Variants in KLF12 observed in about 807,000 individuals in gnomAD.
The protein encoded by KLF12 is KLF transcription factor 12.
In KLF12, 9 loss-of-function variants were observed where a neutral mutation model predicts 37.8. That is an observed-to-expected ratio of 0.24 (90% CI 0.14 to 0.42). The LOEUF (loss-of-function observed/expected upper bound fraction) is 0.42, where lower values mean the gene tolerates loss of function less well. KLF12 is among the 10% of genes least tolerant of loss of function. The pLI is 1.00. For synonymous variants in KLF12, 208 were observed against 202.1 expected, an observed-to-expected ratio of 1.03 and a Z score of -0.25; for missense variants, 411 against 516.0, an observed-to-expected ratio of 0.80 and a Z score of 1.97.
At chr13:73,749,153 A>G (rs973386745) in intron 6 of KLF12, among the ~76,000 whole-genome samples, 8 of 152,206 alleles carry the variant, frequency 5.3e-5, no homozygotes, top group African/African-American at 1.9e-4. Context: ...CAGCCCTCAG[A>G]AAGATAAATG....
At chr13:74,072,828 C>A (rs190332526) in intron 1 of KLF12, among the ~76,000 whole-genome samples, 2 of 152,310 alleles carry the variant, frequency 1.3e-5, no homozygotes, top group East Asian at 3.9e-4. Context: ...TTGTCACACT[C>A]CTCAGACACT....
intron 3 of KLF12, among the ~76,000 whole-genome samples, chr13:73,848,853 C>G (rs1338792247): frequency 1.3e-5 from 2 of 152,096 alleles, no homozygotes; most frequent in African/African-American, 4.8e-5. Context: ...ATCACAGAGA[C>G]AGACGCTGGT....
At chr13:74,262,421 T>C in the KLF12 span, among the ~76,000 whole-genome samples, 38,540 of 152,134 alleles carry the variant, frequency 0.25, 7,227 homozygotes, top group African/African-American at 0.53. Context: ...CCTCAGTATC[T>C]ATGAGCAATT....
At chr13:74,260,748 T>C in the KLF12 span, among the ~76,000 whole-genome samples, 1 of 151,876 alleles carries the variant, frequency 6.6e-6, no homozygotes, top group Non-Finnish European at 1.5e-5. Context: ...TAGACACTAA[T>C]TGTAAATGTG....
Position 73,695,559 on chromosome 13 carries a change from C to A in KLF12, c.1140G>T (p.Ala380=), listed in dbSNP as rs747411673. ...ACCGGGAAAAGCTGCGATCACAGTC[C>A]GCGCACTTGAATGGCTTCACTCCCG... The change falls in exon 8 of 8, where the codon GCG becomes GCT. Residue 380 remains alanine (A), a synonymous_variant. Transcript: ENST00000377669. 2 of 1,614,068 alleles carry A rather than the reference C, an allele frequency of 1.2e-6. No homozygotes were observed. The highest frequency in any genetic ancestry group is 1.1e-5 in the South Asian group (1 of 91,080).
chr13:74,020,337 T>C (rs963160648), intron 1 of KLF12, among the ~76,000 whole-genome samples: 1 of 152,102 alleles, frequency 6.6e-6, no homozygotes, highest in African/African-American at 2.4e-5. Context: ...AGAAAACGGG[T>C]ACCCTAATCA....
chr13:73,967,297 G>A lies in KLF12; in HGVS notation c.34-23227C>T, dbSNP rs577436385. Among the ~76,000 whole-genome samples the A allele has an allele frequency of 1.2e-4, 19 of 152,274 alleles. 1 individual carries two copies. The South Asian group carries it at 3.9e-3, about 32-fold the overall frequency. On this transcript the variant is annotated intron_variant, in intron 2 of 7. Coordinates refer to ENST00000377669, the MANE Select transcript of KLF12 (RefSeq NM_007249.5). ...AATGAGTTTGAATCTGTGCAGAGAG[G>A]CACAGAAATGCCAAGGTGAAGGAGC... is the stretch of plus-strand genomic sequence containing the variant.
chr13:74,188,444 G>A, the KLF12 span, among the ~76,000 whole-genome samples: 6 of 151,986 alleles, frequency 3.9e-5, no homozygotes, highest in Non-Finnish European at 7.4e-5. Flanking sequence ...AAAGTTCAAC[G>A]GTTCTAAGTC....
chr13:73,970,788 T>C (rs1235215100), intron 2 of KLF12, among the ~76,000 whole-genome samples: 2 of 152,210 alleles, frequency 1.3e-5, no homozygotes, highest in Admixed American at 1.3e-4. Flanking sequence ...GTTTAGGTTC[T>C]TCAATGTACC....
chr13:73,911,965 A>G (rs997999218), intron 3 of KLF12, among the ~76,000 whole-genome samples: 1 of 152,210 alleles, frequency 6.6e-6, no homozygotes, highest in African/African-American at 2.4e-5. Context: ...GGATGTGTCC[A>G]GGGCTTGCTT....
chr13:74,059,092 C>T (rs1873426811), intron 1 of KLF12, among the ~76,000 whole-genome samples: 1 of 152,210 alleles, frequency 6.6e-6, no homozygotes, highest in Non-Finnish European at 1.5e-5. Flanking sequence ...CTTCAGGTTT[C>T]ATCCATGTTG....
intron 2 of KLF12, among the ~76,000 whole-genome samples, chr13:73,958,509 C>T (rs1890919725): frequency 6.6e-6 from 1 of 152,092 alleles, no homozygotes; most frequent in South Asian, 2.1e-4. Context: ...TCCCAAAGTG[C>T]TGGAATTACA....
intron 5 of KLF12, among the ~76,000 whole-genome samples, chr13:73,794,879 A>C (rs569275506): frequency 7.9e-5 from 12 of 152,360 alleles, no homozygotes; most frequent in African/African-American, 2.9e-4. Flanking sequence ...TTACATTAAC[A>C]AATGGATCAG....
At chr13:74,105,428 C>G (rs1370243629) in intron 1 of KLF12, among the ~76,000 whole-genome samples, 1 of 151,652 alleles carries the variant, frequency 6.6e-6, no homozygotes, top group Non-Finnish European at 1.5e-5. Context: ...GAAAAATAAC[C>G]ATTATCATAT....
chr13:73,908,849 T>C (rs1008179457), intron 3 of KLF12, among the ~76,000 whole-genome samples: 5 of 152,122 alleles, frequency 3.3e-5, no homozygotes, highest in Non-Finnish European at 7.4e-5. Flanking sequence ...TCTGCCCCAC[T>C]CCTCAAAGAA....
At position 74,019,193 on chromosome 13, in the gene KLF12, T is replaced by C. The variant is rs182419430; in HGVS notation, c.-31-24140A>G. Among the ~76,000 whole-genome samples, 4 of 152,348 alleles carry C rather than the reference T, an allele frequency of 2.6e-5. No individual in the cohort carries two copies. The East Asian group carries it at 7.7e-4, about 29-fold the overall frequency. Reference sequence around the variant, plus strand: ...TAAATAAATCAAAATGTTAACTTATTATGTTTTAAATACAAATATGCAGAA... The same window carrying C: ...TAAATAAATCAAAATGTTAACTTATCATGTTTTAAATACAAATATGCAGAA... On this transcript the variant is annotated intron_variant, in intron 1 of 7. Transcript: ENST00000377669.
rs368483646 is a variant in KLF12 at position 73,766,209 on chromosome 13, G to C, written c.807-1209C>G. Among the ~76,000 whole-genome samples, 32 of 152,286 alleles carry C rather than the reference G, an allele frequency of 2.1e-4. No individual in the cohort carries two copies. The South Asian group carries it at 3.1e-3, about 15-fold the overall frequency. On this transcript the variant is annotated intron_variant, in intron 5 of 7. Transcript: ENST00000377669. ...GGTGTTAATTATGCAGAAAGATGGAGAGAGGCCAGACAGCCCCTCTGGTGA... is the reference window on the plus strand; with the variant it reads ...GGTGTTAATTATGCAGAAAGATGGACAGAGGCCAGACAGCCCCTCTGGTGA...
chr13:74,285,801 G>T, the KLF12 span, among the ~76,000 whole-genome samples: 10 of 152,104 alleles, frequency 6.6e-5, no homozygotes, highest in Admixed American at 5.2e-4. Context: ...GAGATTGCAA[G>T]GTAAAAGTGC....
chr13:74,092,746 T>A (rs549921715), intron 1 of KLF12, among the ~76,000 whole-genome samples: 3 of 152,066 alleles, frequency 2.0e-5, no homozygotes, highest in Non-Finnish European at 4.4e-5. Flanking sequence ...GAACTAAAAC[T>A]CATCAAGAAG....
Sources: allele counts gnomAD v4.1 joint callset (sites outside exome capture counted in the v4.1 genomes callset), GRCh38; gene constraint gnomAD v4.1.1; transcripts MANE v1.5; gene names NCBI Gene and HGNC (gene_info 2026-07-23, HGNC 2026-07-21).